Variants in RNF213 observed in about 807,000 individuals in gnomAD.
The protein encoded by RNF213 is ring finger protein 213, also known as E3 ubiquitin-protein ligase RNF213.
RNF213 carries 341 observed loss-of-function variants against 514.4 expected under a neutral mutation model. The ratio of observed to expected loss-of-function variants is 0.66; its 90% CI spans 0.61 to 0.73. RNF213 has a LOEUF of 0.73. RNF213 is among the 30% of genes least tolerant of loss of function. The pLI, the probability that RNF213 is intolerant of heterozygous loss-of-function variation, is 0.00. For missense variants in RNF213, 5,767 were observed against 6,615.6 expected, an observed-to-expected ratio of 0.87 and a Z score of 4.45; for synonymous variants, 2,655 against 2,658.2, an observed-to-expected ratio of 1.00 and a Z score of 0.04.
rs746649526 is a variant in RNF213, at chr17:80,294,980, G to A, written c.1732G>A (p.Asp578Asn). Residue 578 changes from aspartate to asparagine, a missense_variant, in exon 9 of 68, where the codon GAT (aspartate) becomes AAT (asparagine). Physicochemically the swap from Asp to Asn is conservative, Grantham distance 23. Transcript: ENST00000582970. Reference sequence around the variant, plus strand: ...TGAAGGACAGGCACAGCTGTGGACCGATTTGCAGTACAGGGAGAAAGAGGT... The same window carrying A: ...TGAAGGACAGGCACAGCTGTGGACCAATTTGCAGTACAGGGAGAAAGAGGT... ...IYEGQAQLWT[D>N]LQYREKEVKR... is the part of the protein sequence containing the mutation. The A allele has an allele frequency of 8.0e-5, 129 of 1,614,062 alleles. No homozygotes were observed. Among genetic ancestry groups the A allele is most frequent in the Non-Finnish European group, 9.6e-5 (113 of 1,180,046 alleles).
At chr17:80,326,412 A>G (rs910042783) in intron 18 of RNF213, among the ~76,000 whole-genome samples, 3 of 152,246 alleles carry the variant, frequency 2.0e-5, no homozygotes, top group African/African-American at 7.2e-5. Flanking sequence ...TGTTAGTAAC[A>G]TGCAGCATTA....
rs1409402299 is a variant in RNF213, at chr17:80,358,371, T to TA, written c.10947dup (p.Glu3650ArgfsTer22). 3 of 1,614,170 alleles carry TA rather than the reference T, an allele frequency of 1.9e-6. No individual in the cohort carries two copies. The highest frequency in any genetic ancestry group is 1.7e-6 in the Non-Finnish European group (2 of 1,180,012). On this transcript the variant is annotated frameshift_variant, in exon 37 of 68. Coordinates refer to ENST00000582970, the MANE Select transcript of RNF213 (RefSeq NM_001256071.3). LOFTEE classifies it high-confidence loss of function. ...TCATTCATCGACAGAGACGGCAACCTAGAGTTACTGACCAGGCCAGATACT... is the reference window on the plus strand; with the variant it reads ...TCATTCATCGACAGAGACGGCAACCTAAGAGTTACTGACCAGGCCAGATACT...
Position 80,354,557 on chromosome 17 carries a change from C to T in RNF213, c.10843C>T (p.Gln3615Ter). 6.2e-7 allele frequency: 1 copy of T among 1,614,212 alleles called. No individual in the cohort carries two copies. ...GGAAGCCTGCAACCAGGACGCTCTC[C>T]AGGAGGCGGGCACATTCAGGTACTG... The part of the protein sequence containing the change: ...AREACNQDAL[Q>*]EAGTFRHTLW... Residue 3615 changes from glutamine to a stop codon, truncating the protein, a stop_gained, in exon 36 of 68, where the codon CAG becomes TAG. Coordinates refer to ENST00000582970, the MANE Select transcript of RNF213 (RefSeq NM_001256071.3). LOFTEE classifies it high-confidence loss of function.
intron 54 of RNF213, among the ~76,000 whole-genome samples, chr17:80,378,117 G>A (rs1377766126): frequency 6.6e-6 from 1 of 152,220 alleles, no homozygotes; most frequent in Non-Finnish European, 1.5e-5. Context: ...GCTAAAACCA[G>A]ACATTGACAA....
chr17:80,336,238 G>A lies in RNF213; in HGVS notation c.4387G>A (p.Ala1463Thr), dbSNP rs1453286380. 3 of 1,537,118 alleles carry A rather than the reference G, an allele frequency of 2.0e-6. No homozygotes were observed. The African/African-American group carries it at 4.1e-5, about 21-fold the overall frequency. The stretch of plus-strand genomic sequence containing the variant: ...GAATGACATTGATGTGGACCGGGTG[G>A]CCTGCTTCCATGACGCTGTGCAGGG... ...GENDIDVDRV[A>T]CFHDAVQGYA... The change falls in exon 23 of 68, where the codon GCC becomes ACC. Residue 1463 changes from alanine (A) to threonine (T), a missense_variant. By Grantham distance (58) the Ala-to-Thr change is moderately conservative (BLOSUM62 0). Transcript: ENST00000582970.
At chr17:80,381,119 A>G (rs2079982277) in intron 56 of RNF213, 132 bp downstream of exon 56, 1 of 926,556 alleles carries the variant, frequency 1.1e-6, no homozygotes, top group Admixed American at 1.7e-5. Context: ...AAAGTAATAT[A>G]CAAGTTATAC....
At position 80,354,150 on chromosome 17, in the gene RNF213, G is replaced by A. The variant is rs772576920; in HGVS notation, c.10710G>A (p.Glu3570=). ...TGCTCCTCCTGGGCCTCTTGAATGA[G>A]GATGACGCGTGCCACGGTATGAGCC... ...RVVLLLGLLN[E]DDACHASFLR... The change falls in exon 35 of 68, where the codon GAG becomes GAA. Residue 3570 remains glutamate, a synonymous_variant. Coordinates refer to ENST00000582970, the MANE Select transcript of RNF213 (RefSeq NM_001256071.3). The A allele has an allele frequency of 4.3e-6, 7 of 1,613,792 alleles. No individual in the cohort carries two copies. Among genetic ancestry groups the A allele is most frequent in the East Asian group, 4.5e-5 (2 of 44,890 alleles).
In RNF213 at chr17:80,339,357, AAAG is replaced by A; in HGVS notation, c.4994_4996del (p.Glu1665del). 1.3e-6 allele frequency: 2 copies of A among 1,537,224 alleles called. No homozygotes were observed. The highest frequency in any genetic ancestry group is 1.7e-6 in the Non-Finnish European group (2 of 1,146,902). On this transcript the variant is annotated inframe_deletion, in exon 26 of 68. Transcript: ENST00000582970. ...TGGCTTGGACCTGGTGACGGAGCTT[AAAG>A]AAGGTGGAGATGTCACTGAGCTGCT... is the stretch of plus-strand genomic sequence containing the variant.
chr17:80,293,467 C>CTA (rs938000431), intron 8 of RNF213, among the ~76,000 whole-genome samples: 2 of 151,970 alleles, frequency 1.3e-5, no homozygotes, highest in African/African-American at 4.8e-5. Context: ...ATATGGAATT[C>CTA]TATATATATA....
In RNF213 at chr17:80,263,739, C is replaced by T; in HGVS notation, c.58C>T (p.Gln20Ter). Residue 20 changes from glutamine (Q) to a stop codon, truncating the protein, a stop_gained, in exon 2 of 68, where the codon CAG becomes TAG. Coordinates refer to ENST00000582970, the MANE Select transcript of RNF213 (RefSeq NM_001256071.3). LOFTEE classifies it high-confidence loss of function. The surrounding 1 kb of genome is among the most constrained non-coding windows in gnomAD (Gnocchi z 4.9). ...GGAGGAAACCCCCAAGTTCTGCAGC[C>T]AGTGCGGAGAGAGGCTGCCTCCTGC... ...SKEETPKFCS[Q>*]CGERLPPAAP... 6.2e-7 allele frequency: 1 copy of T among 1,614,140 alleles called. No homozygotes were observed. The highest frequency in any genetic ancestry group is 8.5e-7 in the Non-Finnish European group (1 of 1,180,018).
At position 80,353,390 on chromosome 17, in the gene RNF213, C is replaced by CA; in HGVS notation, c.10424-121dup. 8.6e-7 allele frequency: 1 copy of CA among 1,163,300 alleles called. No homozygotes were observed. Among genetic ancestry groups the CA allele is most frequent in the Non-Finnish European group, 1.3e-6 (1 of 799,514 alleles). 72.1% of individuals were successfully genotyped at this position (1,163,300 alleles called of 1,614,324 possible). On this transcript the variant is annotated intron_variant, in intron 33 of 67. Coordinates refer to ENST00000582970, the MANE Select transcript of RNF213 (RefSeq NM_001256071.3). This position sits in a 1 kb window ranked among gnomAD's most constrained non-coding sequence, Gnocchi z 5.0. Reference sequence around the variant, plus strand: ...GATCTCTCATCTGGGGACCTAGCACCACAGCAGGGGCCGGGGAAGCCTGCA... The same window carrying CA: ...GATCTCTCATCTGGGGACCTAGCACCAACAGCAGGGGCCGGGGAAGCCTGCA...
Position 80,288,883 on chromosome 17 carries a change from C to G in RNF213, c.933+128C>G, listed in dbSNP as rs1014177827. ...AGCCATGATTCAGACAAAGCTCTGG[C>G]CTTCGGGGTGCTCACATTCCAGCGG... On this transcript the variant is annotated intron_variant, in intron 5 of 67. Coordinates refer to ENST00000582970, the MANE Select transcript of RNF213 (RefSeq NM_001256071.3). The surrounding 1 kb of genome is among the most constrained non-coding windows in gnomAD (Gnocchi z 4.9). 1.1e-5 allele frequency: 16 copies of G among 1,494,252 alleles called. No homozygotes were observed. Among genetic ancestry groups the G allele is most frequent in the Non-Finnish European group, 1.5e-5 (16 of 1,091,192 alleles). The allele number at this position is 1,494,252 out of a possible 1,614,324, so 92.6% of individuals were successfully genotyped here.
intron 54 of RNF213, among the ~76,000 whole-genome samples, chr17:80,379,239 G>A (rs549124491): frequency 1.3e-5 from 2 of 152,334 alleles, no homozygotes; most frequent in Non-Finnish European, 2.9e-5. Context: ...AAGGAAGTCA[G>A]TTTGGAAGCT....
Position 80,309,176 on chromosome 17 carries a change from G to A in RNF213, c.2655+5G>A, listed in dbSNP as rs781499086. On this transcript the variant is annotated splice_donor_5th_base_variant and intron_variant, in intron 14 of 67. Coordinates refer to ENST00000582970, the MANE Select transcript of RNF213 (RefSeq NM_001256071.3). Reference sequence around the variant, plus strand: ...ATTAGACTTCTATCTCTGGTGGTAAGTGGAGTCAACACACAAGGTATCACA... The same window carrying A: ...ATTAGACTTCTATCTCTGGTGGTAAATGGAGTCAACACACAAGGTATCACA... 6.2e-7 allele frequency: 1 copy of A among 1,614,198 alleles called. No individual in the cohort carries two copies. The highest frequency in any genetic ancestry group is 8.5e-7 in the Non-Finnish European group (1 of 1,180,050).
chr17:80,335,451 C>T (rs950238448), intron 22 of RNF213, among the ~76,000 whole-genome samples: 4 of 152,144 alleles, frequency 2.6e-5, no homozygotes, highest in Non-Finnish European at 4.4e-5. Flanking sequence ...CAGTGGTGGA[C>T]TCTCTGGTCC....
At chr17:80,364,155 T>G (rs1038296676) in intron 41 of RNF213, among the ~76,000 whole-genome samples, 1 of 151,924 alleles carries the variant, frequency 6.6e-6, no homozygotes, top group African/African-American at 2.4e-5. Context: ...AAAGGTGAGG[T>G]GGGACTTGAC....
At chr17:80,380,478 C>T (rs1000830073) in intron 55 of RNF213, among the ~76,000 whole-genome samples, 3 of 152,104 alleles carry the variant, frequency 2.0e-5, no homozygotes, top group African/African-American at 4.8e-5. Flanking sequence ...CATGGGATGC[C>T]GACTGTCCTC....
rs184980804 is a variant in RNF213, at chr17:80,355,069, G to A, written c.10862+493G>A. 134 of 386,038 alleles carry A rather than the reference G, an allele frequency of 3.5e-4. 1 individual carries two copies. Among genetic ancestry groups the A allele is most frequent in the African/African-American group, 2.4e-3 (113 of 47,682 alleles). 23.9% of individuals were successfully genotyped at this position (386,038 alleles called of 1,614,324 possible). A position where few individuals can be genotyped will look rare whatever the true frequency, so the allele number is the denominator to read the frequency against. On this transcript the variant is annotated intron_variant, in intron 36 of 67. Transcript: ENST00000582970. Reference sequence around the variant, plus strand: ...AACCTTGATTATCTTGGATGTGGCCGTGTATTGAGGAAGGAGGGGTGCTCT... The same window carrying A: ...AACCTTGATTATCTTGGATGTGGCCATGTATTGAGGAAGGAGGGGTGCTCT...
intron 50 of RNF213, among the ~76,000 whole-genome samples, chr17:80,375,413 T>C (rs2068520569): frequency 6.6e-6 from 1 of 152,096 alleles, no homozygotes; most frequent in African/African-American, 2.4e-5. Flanking sequence ...TAGGTAGATC[T>C]GGCAGGCAGC....
Sources: allele counts gnomAD v4.1 joint callset (sites outside exome capture counted in the v4.1 genomes callset), GRCh38; gene constraint gnomAD v4.1.1; non-coding constraint Gnocchi (gnomAD v3.1); transcripts MANE v1.5; gene names NCBI Gene and HGNC (gene_info 2026-07-23, HGNC 2026-07-21).